PTCH1: variants seen among roughly 807,000 people sequenced by gnomAD.
PTCH1 encodes the protein patched 1.
PTCH1 carries 14 observed loss-of-function variants against 144.6 expected under a neutral mutation model. That is an observed-to-expected ratio of 0.10 (90% confidence interval 0.06 to 0.15). The LOEUF is 0.15. Ranked by LOEUF, PTCH1 falls within the 10% of genes least tolerant of loss-of-function variation. The pLI is 1.00. For synonymous variants in PTCH1, 833 were observed against 793.6 expected, an observed-to-expected ratio of 1.05 and a Z score of -0.83; for missense variants, 1,623 against 1,948.3, an observed-to-expected ratio of 0.83 and a Z score of 3.14.
In PTCH1 at chr9:95,504,022, CAAAAAAAAAAAAAAAAAAAAAAAA is replaced by C. The variant is rs58747037; in HGVS notation, c.394+2361_394+2384del. On this transcript the variant is annotated intron_variant, in intron 2 of 23. Coordinates refer to ENST00000331920, the MANE Select transcript of PTCH1 (RefSeq NM_000264.5). ...TGGGCGACAGAGCGAGACTCCGTCT[CAAAAAAAAAAAAAAAAAAAAAAAA>C]AAAAAAAAAAAAAAAAAAGATAATA... Among the ~76,000 whole-genome samples, 19 of 6,720 alleles carry C rather than the reference CAAAAAAAAAAAAAAAAAAAAAAAA, an allele frequency of 2.8e-3. 2 individuals carry two copies. Among genetic ancestry groups the C allele is most frequent in the South Asian group, 7.2e-3 (1 of 138 alleles). The allele number at this position is 6,720 out of a possible 152,430, so 4.4% of individuals were successfully genotyped here. A position where few individuals can be genotyped will look rare whatever the true frequency, so the allele number is the denominator to read the frequency against.
At position 95,461,901 on chromosome 9, in the gene PTCH1, G is replaced by C. The variant is rs1192759234; in HGVS notation, c.2658C>G (p.Leu886=). Residue 886 remains leucine (L), a synonymous_variant, in exon 16 of 24, where the codon CTC becomes CTG. Coordinates refer to ENST00000331920, the MANE Select transcript of PTCH1 (RefSeq NM_000264.5). The part of the protein sequence containing the change: ...GSDDGVLAYK[L]LVQTGSRDKP... ...TATCGCGGCTGCCGGTTTGCACCAG[G>C]AGTTTGTAGGCAAGGACTCCATCGT... is the stretch of plus-strand genomic sequence containing the variant. 1 of 1,614,218 alleles carries C rather than the reference G, an allele frequency of 6.2e-7. No homozygotes were observed. Among genetic ancestry groups the C allele is most frequent in the Non-Finnish European group, 8.5e-7 (1 of 1,180,050 alleles).
At chr9:95,472,751 T>G (rs893485612) in intron 12 of PTCH1, among the ~76,000 whole-genome samples, 1 of 152,166 alleles carries the variant, frequency 6.6e-6, no homozygotes, top group Admixed American at 6.5e-5. Context: ...CCAAGCAGCG[T>G]CCCATCTTAC....
rs1296749116 is a variant in PTCH1 at position 95,445,210 on chromosome 9, A to G, written c.*1183T>C. ...AGTTTAAACTATAGGGACTCAAAACATCATTTCTGGGAGACTGTGGGCCAA... is the reference window on the plus strand; with the variant it reads ...AGTTTAAACTATAGGGACTCAAAACGTCATTTCTGGGAGACTGTGGGCCAA... On this transcript the variant is annotated 3_prime_UTR_variant, in exon 24 of 24. Coordinates refer to ENST00000331920, the MANE Select transcript of PTCH1 (RefSeq NM_000264.5). 6.6e-6 allele frequency: 1 copy of G among 152,120 alleles called. No homozygotes were observed. The highest frequency in any genetic ancestry group is 2.4e-5 in the African/African-American group (1 of 41,424). The allele number at this position is 152,120 out of a possible 1,614,324, so 9.4% of individuals were successfully genotyped here.
chr9:95,508,634 TGCGGCCGCCGCTGCCCACATCCAGTTC>T lies in PTCH1; in HGVS notation c.-300_-274del. On this transcript the variant is annotated 5_prime_UTR_variant, in exon 1 of 24. It removes an upstream start codon present in the reference 5' UTR. Transcript: ENST00000331920. ...CATTGCGCGGGGGTCCCGAGGTCTC[TGCGGCCGCCGCTGCCCACATCCAGTTC>T]GCGGAAGAGCGAGAGCCGGCGCGCC... The T allele has an allele frequency of 3.0e-6, 3 of 989,298 alleles. No individual in the cohort carries two copies. Among genetic ancestry groups the T allele is most frequent in the Non-Finnish European group, 3.6e-6 (3 of 832,968 alleles). The allele number at this position is 989,298 out of a possible 1,614,324, so 61.3% of individuals were successfully genotyped here.
At chr9:95,485,437 T>G (rs990322480) in intron 3 of PTCH1, among the ~76,000 whole-genome samples, 1 of 152,212 alleles carries the variant, frequency 6.6e-6, no homozygotes, top group Non-Finnish European at 1.5e-5. Context: ...AGCGTCATCC[T>G]CTTTTGGGGA....
intron 2 of PTCH1, among the ~76,000 whole-genome samples, chr9:95,490,031 T>TTGTGATTGGTCTCGATCTCCC (rs1842266098): frequency 6.7e-6 from 1 of 149,208 alleles, no homozygotes. Context: ...CTCGATCTCC[T>TTGTGATTGGTCTCGATCTCCC]GACCTTGTGA....
At chr9:95,502,024 T>G (rs1349344051) in intron 2 of PTCH1, among the ~76,000 whole-genome samples, 3 of 152,238 alleles carry the variant, frequency 2.0e-5, no homozygotes, top group Non-Finnish European at 4.4e-5. Context: ...GCAGGGAGAC[T>G]TCTGTGAAAT....
rs1156548730 is a variant in PTCH1 at position 95,476,628 on chromosome 9, C to A, written c.1602+131G>T. ...TCCAGCTTATTTCATTGACTGGCAGCCAGTGACACATCATCTGACATGGGA... is the reference window on the plus strand; with the variant it reads ...TCCAGCTTATTTCATTGACTGGCAGACAGTGACACATCATCTGACATGGGA... On this transcript the variant is annotated intron_variant, in intron 11 of 23. Transcript: ENST00000331920. This position sits in a 1 kb window ranked among gnomAD's most constrained non-coding sequence, Gnocchi z 4.6. 3.4e-6 allele frequency: 3 copies of A among 872,838 alleles called. No homozygotes were observed. Among genetic ancestry groups the A allele is most frequent in the Middle Eastern group, 2.3e-4 (1 of 4,334 alleles). 54.1% of individuals were successfully genotyped at this position (872,838 alleles called of 1,614,324 possible).
chr9:95,507,972 A>T (rs1359344427), intron 1 of PTCH1, 189 bp downstream of exon 1: 1 of 1,486,464 alleles, frequency 6.7e-7, no homozygotes, highest in Non-Finnish European at 8.9e-7. Flanking sequence ...CTTTCCTCCC[A>T]GGACCAGAGG....
chr9:95,487,271 G>T (rs1354995959), intron 2 of PTCH1, among the ~76,000 whole-genome samples: 4 of 152,224 alleles, frequency 2.6e-5, no homozygotes, highest in African/African-American at 9.6e-5. Flanking sequence ...TGCGTGTGGG[G>T]TCGGGAAGGA....
chr9:95,500,227 C>G (rs767198156), intron 2 of PTCH1, among the ~76,000 whole-genome samples: 2 of 152,086 alleles, frequency 1.3e-5, no homozygotes, highest in African/African-American at 2.4e-5. Flanking sequence ...CCCAACCTGT[C>G]CTCTCAACTT....
At chr9:95,450,160 T>A (rs1012241695) in intron 20 of PTCH1, 1 of 586,128 alleles carries the variant, frequency 1.7e-6, no homozygotes, top group African/African-American at 1.9e-5. Flanking sequence ...CAACCCAAAG[T>A]GTTAGTTCAT....
upstream of PTCH1, among the ~76,000 whole-genome samples, chr9:95,510,121 A>G (rs879730709): frequency 6.6e-6 from 1 of 152,324 alleles, no homozygotes; most frequent in African/African-American, 2.4e-5. Flanking sequence ...CGAATGTGAC[A>G]TAAGTAAAAG....
intron 17 of PTCH1, 83 bp downstream of exon 17, chr9:95,459,517 C>T (rs1228072895): frequency 1.1e-5 from 17 of 1,517,274 alleles, no homozygotes; most frequent in African/African-American, 2.8e-5. Flanking sequence ...GTAGCGTCAA[C>T]GGATGAAGGC....
At chr9:95,508,057 G>A (rs1245652374) in intron 1 of PTCH1, 104 bp downstream of exon 1, 3 of 1,546,156 alleles carry the variant, frequency 1.9e-6, no homozygotes, top group Non-Finnish European at 2.6e-6. Flanking sequence ...GTGTGTGTGT[G>A]TGAGAGAGAG....
intron 2 of PTCH1, 25 bp from the exon 3 acceptor site, chr9:95,485,899 T>C (rs1451360372): frequency 2.5e-6 from 4 of 1,613,240 alleles, no homozygotes; most frequent in Admixed American, 1.7e-5. Context: ...CAGGTTTAAT[T>C]AGAATAGCAA....
intron 18 of PTCH1, 110 bp downstream of exon 18, chr9:95,457,903 C>T (rs1839082290): frequency 3.5e-6 from 5 of 1,417,820 alleles, no homozygotes; most frequent in Non-Finnish European, 3.9e-6. Context: ...ACGGATGATG[C>T]AAGCTATACC....
At chr9:95,511,724 T>C (rs1021789079), upstream of PTCH1, among the ~76,000 whole-genome samples, 15 of 152,184 alleles carry the variant, frequency 9.9e-5, no homozygotes, top group African/African-American at 3.6e-4. Flanking sequence ...GTTTGATAAA[T>C]AGCACAAAAC....
At chr9:95,495,440 T>TA (rs1564074988) in intron 2 of PTCH1, 1 of 151,928 alleles carries the variant, frequency 6.6e-6, no homozygotes, top group Non-Finnish European at 1.5e-5. Flanking sequence ...TTTTTTTTTT[T>TA]AAATCTATAA....
Sources: allele counts gnomAD v4.1 joint callset (sites outside exome capture counted in the v4.1 genomes callset), GRCh38; gene constraint gnomAD v4.1.1; non-coding constraint Gnocchi (gnomAD v3.1); transcripts MANE v1.5; gene names NCBI Gene and HGNC (gene_info 2026-07-23, HGNC 2026-07-21).